ADAMTS12: variants seen among roughly 807,000 people sequenced by gnomAD.
ADAMTS12 encodes ADAM metallopeptidase with thrombospondin type 1 motif 12, also known as A disintegrin and metalloproteinase with thrombospondin motifs 12.
Under a neutral mutation model 167.8 loss-of-function variants are expected in ADAMTS12, and 118 were observed. That is an observed-to-expected ratio of 0.70 (90% confidence interval 0.61 to 0.82). ADAMTS12 has a LOEUF of 0.82. Among genes scored for constraint, ADAMTS12 ranks in the 40% least tolerant of loss-of-function variants. ADAMTS12 has a pLI of 0.00. For synonymous variants in ADAMTS12, 704 were observed against 716.9 expected (o/e 0.98, Z 0.29); for missense variants, 1,916 against 1,998.8 (o/e 0.96, Z 0.79).
At chr5:33,670,797 T>C (rs1199530401) in intron 5 of ADAMTS12, among the ~76,000 whole-genome samples, 2 of 152,174 alleles carry the variant, frequency 1.3e-5, no homozygotes, top group Admixed American at 6.5e-5. Flanking sequence ...CCATATAACT[T>C]AGCAGTTACA....
intron 2 of ADAMTS12, among the ~76,000 whole-genome samples, chr5:33,794,136 T>C (rs939294228): frequency 2.0e-5 from 3 of 152,172 alleles, no homozygotes; most frequent in Non-Finnish European, 2.9e-5. Flanking sequence ...CTCGGCTCAC[T>C]AACTTGACTC....
At chr5:33,723,111 A>G (rs1211363673) in intron 3 of ADAMTS12, among the ~76,000 whole-genome samples, 6 of 152,258 alleles carry the variant, frequency 3.9e-5, no homozygotes, top group South Asian at 4.1e-4. Flanking sequence ...CCTGGATGAC[A>G]GGTATGCCTT....
chr5:33,609,222 C>T (rs1738595082), intron 16 of ADAMTS12, among the ~76,000 whole-genome samples: 1 of 151,920 alleles, frequency 6.6e-6, no homozygotes, highest in Non-Finnish European at 1.5e-5. Context: ...GGTTAAACTC[C>T]CTATGTGAAA....
At chr5:33,616,120 C>T (rs1261393239) in intron 14 of ADAMTS12, 48 bp from the exon 15 acceptor site, 1 of 1,601,186 alleles carries the variant, frequency 6.2e-7, no homozygotes, top group Non-Finnish European at 8.5e-7. Context: ...AGCTTCTCAG[C>T]TGAATGCAAT....
chr5:33,591,354 C>A (rs759548410), intron 17 of ADAMTS12, among the ~76,000 whole-genome samples: 5 of 152,172 alleles, frequency 3.3e-5, no homozygotes, highest in Non-Finnish European at 5.9e-5. Context: ...CTCTTTCTAA[C>A]CTTCATTACT....
At chr5:33,806,211 A>G (rs1265243728) in intron 2 of ADAMTS12, among the ~76,000 whole-genome samples, 2 of 152,248 alleles carry the variant, frequency 1.3e-5, no homozygotes, top group Non-Finnish European at 2.9e-5. Context: ...AATGATGCAG[A>G]AGATCATGAA....
At chr5:33,727,414 T>C (rs1744023521) in intron 3 of ADAMTS12, among the ~76,000 whole-genome samples, 1 of 152,258 alleles carries the variant, frequency 6.6e-6, no homozygotes, top group Non-Finnish European at 1.5e-5. Context: ...AGCTGTTTTC[T>C]GTGAGCAACT....
intron 3 of ADAMTS12, among the ~76,000 whole-genome samples, chr5:33,732,286 G>T (rs1426034035): frequency 2.6e-5 from 4 of 152,140 alleles, no homozygotes; most frequent in Admixed American, 1.3e-4. Context: ...AATGGAAAAG[G>T]ACTTTGTAAG....
intron 2 of ADAMTS12, among the ~76,000 whole-genome samples, chr5:33,774,121 C>T (rs1004184161): frequency 1.3e-5 from 2 of 152,136 alleles, no homozygotes; most frequent in South Asian, 2.1e-4. Flanking sequence ...TGGTTTCACT[C>T]GACCCTAATC....
At chr5:33,791,360 CTGTAAAATAAGGGAGTTGGT>C (rs1746561132) in intron 2 of ADAMTS12, among the ~76,000 whole-genome samples, 1 of 152,212 alleles carries the variant, frequency 6.6e-6, no homozygotes, top group Non-Finnish European at 1.5e-5. Context: ...GAATCTCCAA[CTGTAAAATAAGGGAGTTGGT>C]CTCAATCTCT....
chr5:33,722,246 G>A (rs1743832378), intron 3 of ADAMTS12, among the ~76,000 whole-genome samples: 1 of 152,134 alleles, frequency 6.6e-6, no homozygotes, highest in African/African-American at 2.4e-5. Flanking sequence ...TCAGAATAAA[G>A]CAACACAGTG....
At chr5:33,718,663 G>T (rs1441711688) in intron 3 of ADAMTS12, among the ~76,000 whole-genome samples, 1 of 152,086 alleles carries the variant, frequency 6.6e-6, no homozygotes, top group East Asian at 1.9e-4. Context: ...CTTAATGCTA[G>T]AACTAGAAGA....
chr5:33,805,205 G>T (rs923550462), intron 2 of ADAMTS12, among the ~76,000 whole-genome samples: 1 of 152,278 alleles, frequency 6.6e-6, no homozygotes, highest in South Asian at 2.1e-4. Context: ...CACCCTCCAG[G>T]AGAGGCTCCC....
At chr5:33,870,981 G>C (rs1224495817) in intron 2 of ADAMTS12, among the ~76,000 whole-genome samples, 1 of 152,060 alleles carries the variant, frequency 6.6e-6, no homozygotes, top group African/African-American at 2.4e-5. Flanking sequence ...CCCAGTTTCA[G>C]GTAGTTCTTT....
rs1160409631 is a variant in ADAMTS12, at chr5:33,530,680, A to G, written c.4607-3314T>C. Reference sequence around the variant, plus strand: ...GCTTCTTCTGGCAGCGCTGACCCACATGAGTCCCCTCTGTCTCCATCTCCA... The same window carrying G: ...GCTTCTTCTGGCAGCGCTGACCCACGTGAGTCCCCTCTGTCTCCATCTCCA... On this transcript the variant is annotated intron_variant, in intron 23 of 23. Transcript: ENST00000504830. Among the ~76,000 whole-genome samples the G allele has an allele frequency of 2.0e-5, 3 of 152,158 alleles. No individual in the cohort carries two copies. In the East Asian group the frequency reaches 5.8e-4, roughly 29 times the overall value.
chr5:33,879,095 G>A (rs1408960378), intron 2 of ADAMTS12, among the ~76,000 whole-genome samples: 7 of 152,080 alleles, frequency 4.6e-5, no homozygotes, highest in Admixed American at 1.3e-4. Context: ...AAAATTCATG[G>A]TGATGGCTGC....
chr5:33,588,560 T>C (rs1747473406), intron 18 of ADAMTS12, 39 bp downstream of exon 18: 1 of 1,605,014 alleles, frequency 6.2e-7, no homozygotes, highest in African/African-American at 1.3e-5. Flanking sequence ...CTGATGAAGC[T>C]TGAATAATGC....
intron 14 of ADAMTS12, among the ~76,000 whole-genome samples, chr5:33,620,907 T>G (rs760894403): frequency 3.9e-5 from 6 of 152,226 alleles, no homozygotes; most frequent in Non-Finnish European, 8.8e-5. Context: ...CGACCCCGTG[T>G]TATTCAAGGG....
In ADAMTS12 at chr5:33,527,237, G is replaced by C. The variant is rs1198278883; in HGVS notation, c.4736C>G (p.Thr1579Ser). Residue 1579 changes from threonine (T) to serine (S), a missense_variant, in exon 24 of 24, where the codon ACC becomes AGC. Physicochemically the swap from Thr to Ser is moderately conservative, Grantham distance 58. Transcript: ENST00000504830. ...FSCPQTHITH[T>S]QRQRRQRLLQ... ...CAACCGTTGCCTTCTTTGCCTTTGG[G>C]TGTGTGTGATGTGTGTCTGGGGACA... 2.5e-6 allele frequency: 4 copies of C among 1,613,980 alleles called. No homozygotes were observed. The highest frequency in any genetic ancestry group is 3.4e-6 in the Non-Finnish European group (4 of 1,180,022).
Sources: gnomAD v4.1 joint callset for allele counts (sites outside exome capture counted in the v4.1 genomes callset) on GRCh38, gnomAD v4.1.1 for gene constraint, MANE v1.5 for transcripts, NCBI Gene and HGNC (gene_info 2026-07-23, HGNC 2026-07-21) for gene names.